The following OPCML variants were observed in gnomAD, a reference collection of about 807,000 sequenced individuals.
OPCML encodes the protein opioid-binding protein/cell adhesion molecule.
A neutral mutation model predicts 37.8 loss-of-function variants in OPCML; 13 were observed. The observed-to-expected ratio is 0.34, with a 90% CI of 0.22 to 0.55. OPCML has a LOEUF of 0.55. OPCML is among the 20% of genes least tolerant of loss of function. The probability of loss-of-function intolerance (pLI) is 0.91; values close to 1 mark genes in which losing one functional copy is unlikely to be tolerated. For missense variants in OPCML, 341 were observed against 435.6 expected, an observed-to-expected ratio of 0.78 and a Z score of 1.93; for synonymous variants, 176 against 168.8, an observed-to-expected ratio of 1.04 and a Z score of -0.33.
chr11:132,926,298 C>A (rs1287735866), intron 2 of OPCML, among the ~76,000 whole-genome samples: 1 of 152,152 alleles, frequency 6.6e-6, no homozygotes, highest in African/African-American at 2.4e-5. Context: ...ATGACGACCT[C>A]AGAGTCCAGA....
intron 1 of OPCML, among the ~76,000 whole-genome samples, chr11:133,523,444 A>G (rs772799826): frequency 6.6e-6 from 1 of 152,142 alleles, no homozygotes; most frequent in African/African-American, 2.4e-5. Flanking sequence ...TCGTGTCTCC[A>G]TTCCAACCAA....
At chr11:133,362,552 C>T (rs1386779672) in intron 1 of OPCML, among the ~76,000 whole-genome samples, 2 of 152,204 alleles carry the variant, frequency 1.3e-5, no homozygotes, top group African/African-American at 4.8e-5. Flanking sequence ...TGTCAAGCTG[C>T]CACAATCGCC....
intron 2 of OPCML, among the ~76,000 whole-genome samples, chr11:132,775,180 A>G (rs1395902461): frequency 6.6e-6 from 1 of 152,236 alleles, no homozygotes. Context: ...TTACCCAGCT[A>G]GGCTTGGGAA....
chr11:133,140,082 G>A (rs1488802812), intron 1 of OPCML, among the ~76,000 whole-genome samples: 1 of 151,720 alleles, frequency 6.6e-6, no homozygotes, highest in Non-Finnish European at 1.5e-5. Flanking sequence ...AGCTACTGGG[G>A]AGGCTGAAGC....
intron 1 of OPCML, among the ~76,000 whole-genome samples, chr11:133,294,910 G>A (rs984507607): frequency 7.5e-6 from 1 of 132,942 alleles, no homozygotes; most frequent in East Asian, 2.6e-4. Flanking sequence ...TGCAACCTCC[G>A]CCTCCCAGGT....
chr11:133,439,634 A>AT (rs950401924), intron 1 of OPCML, among the ~76,000 whole-genome samples: 19 of 151,672 alleles, frequency 1.3e-4, no homozygotes, highest in African/African-American at 4.6e-4. Flanking sequence ...TGCCCGGCTA[A>AT]TTTTTTGTAT....
chr11:133,291,536 C>G (rs780408113), intron 1 of OPCML, among the ~76,000 whole-genome samples: 4 of 152,252 alleles, frequency 2.6e-5, no homozygotes, highest in Non-Finnish European at 5.9e-5. Context: ...CCTAGAAAGG[C>G]AGCTGACATG....
At chr11:132,604,896 G>A (rs1396277914) in intron 3 of OPCML, among the ~76,000 whole-genome samples, 2 of 152,330 alleles carry the variant, frequency 1.3e-5, no homozygotes, top group East Asian at 3.9e-4. Flanking sequence ...ATCAGATGCT[G>A]TGGAGGCTTA....
At chr11:133,475,335 C>A (rs1402259725) in intron 1 of OPCML, among the ~76,000 whole-genome samples, 1 of 151,992 alleles carries the variant, frequency 6.6e-6, no homozygotes, top group African/African-American at 2.4e-5. Flanking sequence ...TTTGACATTG[C>A]AGACCTCAGG....
intron 1 of OPCML, among the ~76,000 whole-genome samples, chr11:133,180,549 T>A (rs1021634788): frequency 6.6e-6 from 1 of 152,058 alleles, no homozygotes; most frequent in East Asian, 1.9e-4. Context: ...CTCTGCTCCC[T>A]CCACAGCGTA....
At chr11:132,887,017 C>T (rs1039118858) in intron 2 of OPCML, among the ~76,000 whole-genome samples, 3 of 152,192 alleles carry the variant, frequency 2.0e-5, no homozygotes, top group Admixed American at 2.0e-4. Flanking sequence ...GTAGATTAAA[C>T]TAAATTAGGT....
chr11:133,355,780 C>T (rs1230456496), intron 1 of OPCML, among the ~76,000 whole-genome samples: 1 of 152,154 alleles, frequency 6.6e-6, no homozygotes, highest in East Asian at 1.9e-4. Flanking sequence ...ACCTCTCAGT[C>T]ATTTAAAATA....
At chr11:133,411,325 T>G (rs1441749010) in intron 1 of OPCML, among the ~76,000 whole-genome samples, 2 of 152,190 alleles carry the variant, frequency 1.3e-5, no homozygotes, top group African/African-American at 4.8e-5. Context: ...TTTCCACATC[T>G]GAGTTTTTGG....
chr11:132,640,443 T>G (rs1196314219), intron 3 of OPCML, among the ~76,000 whole-genome samples: 2 of 152,170 alleles, frequency 1.3e-5, no homozygotes, highest in Admixed American at 1.3e-4. Context: ...ATATGGGAGT[T>G]GTAGTTTATT....
chr11:133,073,094 G>A (rs1948564612), intron 1 of OPCML, among the ~76,000 whole-genome samples: 1 of 152,134 alleles, frequency 6.6e-6, no homozygotes, highest in South Asian at 2.1e-4. Context: ...AACCAGGTAC[G>A]ATACACCTCA....
Position 133,001,431 on chromosome 11 carries a change from A to G in OPCML, c.62-58421T>C, listed in dbSNP as rs373059803. Reference sequence around the variant, plus strand: ...TCAGCAAATGATAAAGAAGAAGGCTATGTTTTTCATCTGGATGCTATCATT... The same window carrying G: ...TCAGCAAATGATAAAGAAGAAGGCTGTGTTTTTCATCTGGATGCTATCATT... On this transcript the variant is annotated intron_variant, in intron 1 of 7. Coordinates refer to ENST00000524381, the MANE Select transcript of OPCML (RefSeq NM_001012393.5). Among the ~76,000 whole-genome samples, 21 of 152,290 alleles carry G rather than the reference A, an allele frequency of 1.4e-4. No homozygotes were observed. In the East Asian group the frequency reaches 3.3e-3, roughly 24 times the overall value.
chr11:132,797,563 C>A (rs997685923), intron 2 of OPCML, among the ~76,000 whole-genome samples: 2 of 152,038 alleles, frequency 1.3e-5, no homozygotes, highest in Non-Finnish European at 2.9e-5. Context: ...TTTTCCAGTG[C>A]AAATAAACAT....
intron 2 of OPCML, among the ~76,000 whole-genome samples, chr11:132,838,877 C>T (rs1386711593): frequency 2.0e-5 from 3 of 152,182 alleles, no homozygotes; most frequent in East Asian, 1.9e-4. Context: ...TGAGCACCCC[C>T]GAAGATGGGA....
At chr11:133,225,203 T>TGG (rs1939990869) in intron 1 of OPCML, among the ~76,000 whole-genome samples, 1 of 152,228 alleles carries the variant, frequency 6.6e-6, no homozygotes, top group Non-Finnish European at 1.5e-5. Context: ...ATGGAAAATA[T>TGG]TCTTTGGTGC....
Sources: allele counts gnomAD v4.1 joint callset (sites outside exome capture counted in the v4.1 genomes callset), GRCh38; gene constraint gnomAD v4.1.1; transcripts MANE v1.5; gene names NCBI Gene and HGNC (gene_info 2026-07-23, HGNC 2026-07-21).